Variants in RARB observed in about 807,000 individuals in gnomAD.
The protein encoded by RARB is HBV-activated protein.
A neutral mutation model predicts 51.9 loss-of-function variants in RARB; 17 were observed. The ratio of observed to expected loss-of-function variants is 0.33; its 90% CI spans 0.22 to 0.49. The LOEUF is 0.49. Among genes scored for constraint, RARB ranks in the 20% least tolerant of loss-of-function variants. The pLI is 0.99. For missense variants in RARB, 369 were observed against 550.8 expected, an observed-to-expected ratio of 0.67 and a Z score of 3.30; for synonymous variants, 215 against 195.4, an observed-to-expected ratio of 1.10 and a Z score of -0.84.
chr3:25,314,191 A>G (rs1704361436), intron 5 of RARB, among the ~76,000 whole-genome samples: 1 of 152,196 alleles, frequency 6.6e-6, no homozygotes, highest in African/African-American at 2.4e-5. Context: ...AAATAAGGTC[A>G]TATTTTATTA....
At chr3:25,373,243 A>G (rs1037980403) in intron 5 of RARB, among the ~76,000 whole-genome samples, 4 of 152,174 alleles carry the variant, frequency 2.6e-5, no homozygotes, top group African/African-American at 4.8e-5. Context: ...CATCATCAAG[A>G]TGAGTGAAGA....
At position 25,150,724 on chromosome 3, in the gene RARB, G is replaced by T. The variant is rs547978013; in HGVS notation, c.-280+18516G>T. Among the ~76,000 whole-genome samples the T allele has an allele frequency of 2.0e-5, 3 of 152,284 alleles. No individual in the cohort carries two copies. In the East Asian group the frequency reaches 5.8e-4, roughly 29 times the overall value. On this transcript the variant is annotated intron_variant, in intron 4 of 11. Transcript: ENST00000383772. ...AACAGAATTCCAGGAGACCAGGAAA[G>T]AACTTCTTTGAACTTCCAAGAGAGT...
intron 2 of RARB, among the ~76,000 whole-genome samples, chr3:24,893,642 T>C (rs1703428323): frequency 6.6e-6 from 1 of 151,954 alleles, no homozygotes; most frequent in African/African-American, 2.4e-5. Context: ...CTCTACCTCC[T>C]GAGTAGCTAG....
intron 2 of RARB, among the ~76,000 whole-genome samples, chr3:25,042,172 GTTGT>G (rs1301378855): frequency 2.6e-5 from 4 of 152,128 alleles, no homozygotes; most frequent in African/African-American, 9.7e-5. Context: ...TGGATATCTG[GTTGT>G]TTATTTACAA....
chr3:24,974,267 C>T (rs567639006), intron 2 of RARB, among the ~76,000 whole-genome samples: 238 of 152,156 alleles, frequency 1.6e-3, no homozygotes, highest in African/African-American at 5.5e-3. Flanking sequence ...ATTATTCTTG[C>T]ATCCCTGGGA....
chr3:25,156,741 C>T (rs1171683091), intron 4 of RARB, among the ~76,000 whole-genome samples: 14 of 152,010 alleles, frequency 9.2e-5, no homozygotes, highest in Non-Finnish European at 1.9e-4. Flanking sequence ...TGTATTTTGG[C>T]CCAGAGGAAT....
rs117133750 is a variant in RARB at position 25,212,624 on chromosome 3, A to G, written c.178+38049A>G. Among the ~76,000 whole-genome samples, 846 of 152,318 alleles carry G rather than the reference A, an allele frequency of 5.6e-3. 43 individuals carry two copies. In the East Asian group the frequency reaches 0.13, roughly 24 times the overall value. On this transcript the variant is annotated intron_variant, in intron 5 of 11. Transcript: ENST00000383772. Reference sequence around the variant, plus strand: ...AGAGCTAGACTCTGTCTCAAAAGAAAAAAAGAAGTGAATCTCATTAATTCT... The same window carrying G: ...AGAGCTAGACTCTGTCTCAAAAGAAGAAAAGAAGTGAATCTCATTAATTCT...
At chr3:25,395,815 C>T (rs1575369320) in intron 5 of RARB, among the ~76,000 whole-genome samples, 2 of 152,250 alleles carry the variant, frequency 1.3e-5, no homozygotes, top group East Asian at 3.9e-4. Flanking sequence ...TCTGGTGTCT[C>T]CTTGAGTAGC....
chr3:25,379,891 A>T (rs1241870028), intron 5 of RARB, among the ~76,000 whole-genome samples: 1 of 152,158 alleles, frequency 6.6e-6, no homozygotes, highest in Admixed American at 6.5e-5. Flanking sequence ...AAATTTAATA[A>T]TATAGCCCCT....
chr3:24,892,909 T>C (rs1344340624), intron 2 of RARB, among the ~76,000 whole-genome samples: 1 of 152,218 alleles, frequency 6.6e-6, no homozygotes, highest in African/African-American at 2.4e-5. Context: ...CACTGTGCTA[T>C]GATGTTGTAA....
chr3:24,868,698 C>T (rs1259535653), intron 2 of RARB, among the ~76,000 whole-genome samples: 1 of 152,204 alleles, frequency 6.6e-6, no homozygotes, highest in African/African-American at 2.4e-5. Context: ...CTGAAGCCTG[C>T]TACCTGGCGA....
At chr3:25,407,416 A>C (rs995671253) in intron 5 of RARB, among the ~76,000 whole-genome samples, 1 of 152,214 alleles carries the variant, frequency 6.6e-6, no homozygotes, top group Non-Finnish European at 1.5e-5. Flanking sequence ...GATGCTAGGG[A>C]GGACACTTCA....
chr3:25,248,179 A>T (rs1702614795), intron 5 of RARB, among the ~76,000 whole-genome samples: 2 of 152,152 alleles, frequency 1.3e-5, no homozygotes, highest in Admixed American at 1.3e-4. Flanking sequence ...TGTTTTATGA[A>T]GTATAGCTAC....
chr3:24,916,046 C>A (rs1390973589), intron 2 of RARB, among the ~76,000 whole-genome samples: 3 of 152,068 alleles, frequency 2.0e-5, no homozygotes, highest in Non-Finnish European at 4.4e-5. Flanking sequence ...AATTGACTGA[C>A]TCAAGTGGTG....
chr3:24,914,865 G>A (rs2125382492), intron 2 of RARB, among the ~76,000 whole-genome samples: 1 of 152,308 alleles, frequency 6.6e-6, no homozygotes, highest in South Asian at 2.1e-4. Context: ...AGATGGTATT[G>A]TCCTGTCTTA....
chr3:25,251,912 A>T (rs1438459342), intron 5 of RARB, among the ~76,000 whole-genome samples: 1 of 152,100 alleles, frequency 6.6e-6, no homozygotes, highest in Non-Finnish European at 1.5e-5. Flanking sequence ...TTTTGGTGCC[A>T]TATTTAGGAA....
In RARB at chr3:25,033,819, T is replaced by G. The variant is rs372042603; in HGVS notation, c.-379-26306T>G. On this transcript the variant is annotated intron_variant, in intron 2 of 11. Coordinates refer to the RARB transcript ENST00000383772. The stretch of plus-strand genomic sequence containing the variant: ...GTTGGCACAGTAGAAAATACCGTAA[T>G]AAATATTTGTTAGCTTAAATCTCCT... Among the ~76,000 whole-genome samples, 15 of 152,282 alleles carry G rather than the reference T, an allele frequency of 9.9e-5. No individual in the cohort carries two copies. In the South Asian group the frequency reaches 3.1e-3, roughly 32 times the overall value.
At chr3:25,244,704 C>A (rs952581171) in intron 5 of RARB, among the ~76,000 whole-genome samples, 12 of 152,122 alleles carry the variant, frequency 7.9e-5, no homozygotes, top group Non-Finnish European at 1.2e-4. Flanking sequence ...TCTTCTTTTG[C>A]ATTTGCTGAG....
At chr3:25,126,759 G>A (rs774242876) in intron 3 of RARB, among the ~76,000 whole-genome samples, 1 of 152,108 alleles carries the variant, frequency 6.6e-6, no homozygotes, top group Non-Finnish European at 1.5e-5. Context: ...TTTATAGTCT[G>A]GCTAGTTTTC....
Sources: allele counts gnomAD v4.1 joint callset (sites outside exome capture counted in the v4.1 genomes callset), GRCh38; gene constraint gnomAD v4.1.1; transcripts MANE v1.5; gene names NCBI Gene and HGNC (gene_info 2026-07-23, HGNC 2026-07-21).